Variants in NFKBIZ observed in about 807,000 individuals in gnomAD.
NFKBIZ encodes NFKB inhibitor zeta.
NFKBIZ carries 19 observed loss-of-function variants against 76.8 expected under a neutral mutation model. The observed-to-expected ratio is 0.25, with a 90% confidence interval of 0.17 to 0.36. NFKBIZ has a LOEUF of 0.36. Ranked by LOEUF, NFKBIZ falls within the 10% of genes least tolerant of loss-of-function variation. The probability of loss-of-function intolerance (pLI) is 1.00; values close to 1 mark genes in which losing one functional copy is unlikely to be tolerated. For synonymous variants in NFKBIZ, 368 were observed against 354.8 expected (o/e 1.04, Z -0.42); for missense variants, 829 against 910.9 (o/e 0.91, Z 1.16).
At position 101,852,738 on chromosome 3, in the gene NFKBIZ, A is replaced by G. The variant is rs371660011; in HGVS notation, c.430A>G (p.Thr144Ala). Residue 144 changes from threonine to alanine, a missense_variant and splice_region_variant, in exon 3 of 12, where the codon ACA becomes GCA. Thr to Ala is a moderately conservative substitution (Grantham distance 58). Coordinates refer to ENST00000326172, the MANE Select transcript of NFKBIZ (RefSeq NM_031419.4). ...AAATTGGAAACTTTTTTCTTTATAG[A>G]CACAAGGTGTGAACATAGAACAGTT... ...ASGQAVDDFKTQGVNIEQFRE... is the reference protein window; with the variant it reads ...ASGQAVDDFKAQGVNIEQFRE... The G allele has an allele frequency of 1.2e-6, 2 of 1,603,504 alleles. No homozygotes were observed. Among genetic ancestry groups the G allele is most frequent in the Non-Finnish European group, 1.7e-6 (2 of 1,176,898 alleles).
chr3:101,856,206 A>G (rs566971368), intron 9 of NFKBIZ, among the ~76,000 whole-genome samples: 7 of 152,174 alleles, frequency 4.6e-5, no homozygotes, highest in African/African-American at 1.7e-4. Flanking sequence ...GCCTACCACC[A>G]CACCCAGCTA....
intron 2 of NFKBIZ, among the ~76,000 whole-genome samples, chr3:101,835,924 G>A (rs1010579069): frequency 1.3e-5 from 2 of 152,144 alleles, no homozygotes; most frequent in African/African-American, 4.8e-5. Flanking sequence ...GCTTCCTCAA[G>A]CAAACTTCTA....
intron 5 of NFKBIZ, 124 bp downstream of exon 5, chr3:101,853,987 TGG>T: frequency 4.4e-6 from 4 of 900,786 alleles, no homozygotes; most frequent in Non-Finnish European, 6.7e-6. Flanking sequence ...CCAAGATGAC[TGG>T]TGTAGATAGA....
upstream of NFKBIZ, chr3:101,849,392 C>G (rs894103375): frequency 2.8e-6 from 1 of 357,338 alleles, no homozygotes; most frequent in Non-Finnish European, 5.0e-6. Flanking sequence ...TACTGGAAAT[C>G]GGACGCATCC....
In NFKBIZ at chr3:101,854,404, C is replaced by T. The variant is rs552517221; in HGVS notation, c.1338-174C>T. 3.3e-5 allele frequency among the ~76,000 whole-genome samples: 5 copies of T among 152,200 alleles called. No homozygotes were observed. In the South Asian group the frequency reaches 1.0e-3, roughly 32 times the overall value. ...TCTGATAGCCTAACCCATCCTGTTCCAACTGGGGTGTATTATCAATGTAGC... is the reference window on the plus strand; with the variant it reads ...TCTGATAGCCTAACCCATCCTGTTCTAACTGGGGTGTATTATCAATGTAGC... On this transcript the variant is annotated intron_variant, in intron 5 of 11. Coordinates refer to ENST00000326172, the MANE Select transcript of NFKBIZ (RefSeq NM_031419.4).
chr3:101,837,336 C>T (rs1451721986), intron 2 of NFKBIZ, among the ~76,000 whole-genome samples: 1 of 151,904 alleles, frequency 6.6e-6, no homozygotes, highest in East Asian at 1.9e-4. Context: ...TCATTTAAAG[C>T]AGTGACTCTT....
At chr3:101,854,518 A>C (rs1384364034) in intron 5 of NFKBIZ, 60 bp from the exon 6 acceptor site, 2 of 1,058,436 alleles carry the variant, frequency 1.9e-6, no homozygotes, top group Non-Finnish European at 2.8e-6. Flanking sequence ...TTTTTTTTTC[A>C]AAAGAACAAC....
intron 2 of NFKBIZ, among the ~76,000 whole-genome samples, 165 bp from the exon 3 acceptor site, chr3:101,852,573 C>T (rs1942983216): frequency 6.6e-6 from 1 of 151,848 alleles, no homozygotes; most frequent in African/African-American, 2.4e-5. Flanking sequence ...ATGAGGAAGT[C>T]GCAAGATAGA....
chr3:101,856,741 CA>C (rs1375095559), intron 9 of NFKBIZ: 1 of 192,784 alleles, frequency 5.2e-6, no homozygotes, highest in Non-Finnish European at 1.1e-5. Context: ...GGGAGGCTAC[CA>C]AATCTGGAAA....
chr3:101,837,096 T>G (rs1004674362), intron 2 of NFKBIZ, among the ~76,000 whole-genome samples: 2 of 152,212 alleles, frequency 1.3e-5, no homozygotes, highest in Non-Finnish European at 2.9e-5. Context: ...CTCCATTCTT[T>G]TCTCTGGGAG....
intron 5 of NFKBIZ, 112 bp downstream of exon 5, chr3:101,853,975 A>C (rs1001816801): frequency 4.9e-6 from 5 of 1,019,260 alleles, no homozygotes; most frequent in Non-Finnish European, 7.2e-6. Context: ...GTGGTTGGCT[A>C]ACCAAGATGA....
intron 2 of NFKBIZ, among the ~76,000 whole-genome samples, chr3:101,835,942 T>G (rs1942715152): frequency 6.6e-6 from 1 of 152,208 alleles, no homozygotes; most frequent in African/African-American, 2.4e-5. Context: ...CTAGCTACTC[T>G]TAAACATAAA....
At chr3:101,839,008 A>G (rs941339066) in intron 2 of NFKBIZ, among the ~76,000 whole-genome samples, 4 of 152,202 alleles carry the variant, frequency 2.6e-5, no homozygotes, top group African/African-American at 9.7e-5. Flanking sequence ...TATTATAAAC[A>G]TTATCAGTGT....
At chr3:101,856,388 C>T (rs1237817144) in intron 9 of NFKBIZ, among the ~76,000 whole-genome samples, 1 of 152,146 alleles carries the variant, frequency 6.6e-6, no homozygotes, top group Non-Finnish European at 1.5e-5. Context: ...CATGTGTTTT[C>T]TTGATTTGCT....
intron 5 of NFKBIZ, among the ~76,000 whole-genome samples, chr3:101,854,244 G>C (rs1219928623): frequency 1.3e-5 from 2 of 152,192 alleles, no homozygotes; most frequent in African/African-American, 4.8e-5. Flanking sequence ...CCTTGGGCAA[G>C]TTATTTAACC....
chr3:101,855,306 T>C (rs76012355), intron 7 of NFKBIZ, 89 bp from the exon 8 acceptor site: 40,426 of 1,605,456 alleles, frequency 0.025, 656 homozygotes, highest in South Asian at 0.053. Flanking sequence ...AATGATCTAT[T>C]TTGAGTTAAC....
intron 11 of NFKBIZ, 119 bp downstream of exon 11, chr3:101,857,578 T>C: frequency 6.7e-7 from 1 of 1,502,154 alleles, no homozygotes; most frequent in South Asian, 1.3e-5. Flanking sequence ...TCTATCAGTG[T>C]CTGTGTCTCA....
chr3:101,853,277 G>A lies in NFKBIZ; in HGVS notation c.751G>A (p.Ala251Thr), dbSNP rs201178299. The change falls in exon 5 of 12, where the codon GCA becomes ACA. Residue 251 changes from alanine (A) to threonine (T), a missense_variant. By Grantham distance (58) the Ala-to-Thr change is moderately conservative. Transcript: ENST00000326172. ...NPVVVPQSSP[A>T]EQCQDFHGGQ... Reference sequence around the variant, plus strand: ...CGTGGTGGTCCCTCAGAGCTCCCCCGCAGAGCAGTGTCAGGACTTCCATGG... The same window carrying A: ...CGTGGTGGTCCCTCAGAGCTCCCCCACAGAGCAGTGTCAGGACTTCCATGG... 52 of 1,614,112 alleles carry A rather than the reference G, an allele frequency of 3.2e-5. No homozygotes were observed. Among genetic ancestry groups the A allele is most frequent in the Admixed American group, 3.0e-4 (18 of 60,020 alleles).
intron 3 of NFKBIZ, 46 bp downstream of exon 3, chr3:101,852,814 A>G (rs770563065): frequency 6.2e-7 from 1 of 1,605,728 alleles, no homozygotes; most frequent in Non-Finnish European, 8.5e-7. Flanking sequence ...TTTGGAGTAA[A>G]TAATAGAGTG....
Sources: allele counts gnomAD v4.1 joint callset (sites outside exome capture counted in the v4.1 genomes callset), GRCh38; gene constraint gnomAD v4.1.1; transcripts MANE v1.5; gene names NCBI Gene and HGNC (gene_info 2026-07-23, HGNC 2026-07-21).